The following GLRB variants were observed in gnomAD, a reference collection of about 807,000 sequenced individuals.
The protein encoded by GLRB is glycine receptor subunit beta.
In GLRB, 33 loss-of-function variants were observed where a neutral mutation model predicts 54.2. The observed-to-expected ratio is 0.61, with a 90% CI of 0.46 to 0.81. GLRB has a LOEUF of 0.81. Ranked by LOEUF, GLRB falls within the 40% of genes least tolerant of loss-of-function variation. The probability of loss-of-function intolerance (pLI) is 0.00; values close to 1 mark genes in which losing one functional copy is unlikely to be tolerated. For missense variants in GLRB, 572 were observed against 584.6 expected, an observed-to-expected ratio of 0.98 and a Z score of 0.22; for synonymous variants, 209 against 208.2, an observed-to-expected ratio of 1.00 and a Z score of -0.03.
chr4:157,115,006 A>C (rs140561582), intron 2 of GLRB, among the ~76,000 whole-genome samples: 1 of 150,362 alleles, frequency 6.7e-6, no homozygotes, highest in Non-Finnish European at 1.5e-5. Context: ...AGGAGTGGGG[A>C]GTTATTTTCC....
chr4:157,141,091 T>C (rs1449391765), intron 7 of GLRB, among the ~76,000 whole-genome samples: 1 of 151,884 alleles, frequency 6.6e-6, no homozygotes. Flanking sequence ...GTTCTTAGAA[T>C]AAAATTAGAA....
intron 7 of GLRB, among the ~76,000 whole-genome samples, chr4:157,140,854 G>A (rs1306116238): frequency 6.6e-6 from 1 of 151,804 alleles, no homozygotes; most frequent in Non-Finnish European, 1.5e-5. Flanking sequence ...ATTTCTTAGA[G>A]ATGAAAATGA....
chr4:157,129,617 A>T (rs917626313), intron 4 of GLRB, among the ~76,000 whole-genome samples: 2 of 151,836 alleles, frequency 1.3e-5, no homozygotes, highest in African/African-American at 2.4e-5. Flanking sequence ...TCATAATGAA[A>T]TAAGACATAA....
intron 2 of GLRB, among the ~76,000 whole-genome samples, chr4:157,090,531 A>C (rs991270318): frequency 2.6e-5 from 4 of 152,180 alleles, no homozygotes; most frequent in Non-Finnish European, 2.9e-5. Context: ...ATGGCCTTGT[A>C]ACTGTGAAGA....
intron 9 of GLRB, among the ~76,000 whole-genome samples, chr4:157,166,086 A>G (rs943929389): frequency 1.2e-4 from 18 of 152,048 alleles, no homozygotes; most frequent in African/African-American, 4.3e-4. Flanking sequence ...CACAAAGAAA[A>G]TCTTAGAGGC....
intron 7 of GLRB, among the ~76,000 whole-genome samples, chr4:157,141,061 G>A (rs561844800): frequency 2.6e-5 from 4 of 151,784 alleles, no homozygotes; most frequent in South Asian, 2.1e-4. Context: ...AGTAAACAAC[G>A]TAAAATATAA....
At chr4:157,103,075 C>T (rs529926699) in intron 2 of GLRB, among the ~76,000 whole-genome samples, 2 of 150,026 alleles carry the variant, frequency 1.3e-5, no homozygotes, top group Non-Finnish European at 3.0e-5. Flanking sequence ...CCCTTGAACC[C>T]GGGAGGCAAG....
chr4:157,135,300 A>C (rs1736359591), intron 4 of GLRB, among the ~76,000 whole-genome samples: 1 of 152,138 alleles, frequency 6.6e-6, no homozygotes, highest in Non-Finnish European at 1.5e-5. Context: ...ATTCAAAGTT[A>C]CAGGGTTTTG....
At chr4:157,126,785 G>A (rs1736029159) in intron 4 of GLRB, among the ~76,000 whole-genome samples, 1 of 151,790 alleles carries the variant, frequency 6.6e-6, no homozygotes, top group African/African-American at 2.4e-5. Flanking sequence ...ACTTATGTAG[G>A]GAAAACTGGG....
intron 2 of GLRB, among the ~76,000 whole-genome samples, chr4:157,097,524 C>G (rs79802690): frequency 0.014 from 2,108 of 152,218 alleles, 38 homozygotes; most frequent in East Asian, 0.1. Context: ...AAATTTGTTT[C>G]TATTGCTTGA....
intron 9 of GLRB, among the ~76,000 whole-genome samples, chr4:157,163,326 A>G (rs1044865125): frequency 1.3e-5 from 2 of 152,028 alleles, no homozygotes; most frequent in African/African-American, 4.8e-5. Flanking sequence ...CTGCACCGAC[A>G]GTCAGACAAG....
intron 2 of GLRB, among the ~76,000 whole-genome samples, chr4:157,095,740 A>G (rs752617543): frequency 1.3e-5 from 2 of 152,174 alleles, no homozygotes; most frequent in African/African-American, 4.8e-5. Flanking sequence ...GTGGACTGAT[A>G]TGAACTCATA....
At chr4:157,096,999 G>C (rs1355060928) in intron 2 of GLRB, among the ~76,000 whole-genome samples, 3 of 152,066 alleles carry the variant, frequency 2.0e-5, no homozygotes, top group Non-Finnish European at 2.9e-5. Context: ...TTAATTCCTT[G>C]GTTTTAAGTT....
intron 6 of GLRB, among the ~76,000 whole-genome samples, chr4:157,138,028 T>C (rs1210954634): frequency 3.9e-5 from 6 of 152,136 alleles, no homozygotes; most frequent in Non-Finnish European, 7.4e-5. Flanking sequence ...TGGCCTTCTA[T>C]GGTGATGCAA....
chr4:157,101,573 G>A (rs1056383380), intron 2 of GLRB, among the ~76,000 whole-genome samples: 8 of 151,976 alleles, frequency 5.3e-5, no homozygotes, highest in Non-Finnish European at 7.4e-5. Flanking sequence ...AGACTAATTC[G>A]GATGAGATTT....
chr4:157,137,226 G>C (rs1438581003), intron 6 of GLRB, among the ~76,000 whole-genome samples: 1 of 152,002 alleles, frequency 6.6e-6, no homozygotes, highest in Non-Finnish European at 1.5e-5. Flanking sequence ...GTTAAAACCA[G>C]ATTTTCTTAG....
At chr4:157,144,324 T>C (rs1736728363) in intron 8 of GLRB, among the ~76,000 whole-genome samples, 1 of 152,198 alleles carries the variant, frequency 6.6e-6, no homozygotes, top group South Asian at 2.1e-4. Context: ...TAGTATGTAT[T>C]ATCACATACT....
intron 1 of GLRB, chr4:157,076,571 C>A (rs1273604408): frequency 6.6e-6 from 1 of 152,120 alleles, no homozygotes; most frequent in East Asian, 2.0e-4. Flanking sequence ...AATTAGGAAA[C>A]GCAAGGTTGG....
At chr4:157,097,852 C>A (rs1024120345) in intron 2 of GLRB, among the ~76,000 whole-genome samples, 1 of 152,114 alleles carries the variant, frequency 6.6e-6, no homozygotes, top group Non-Finnish European at 1.5e-5. Flanking sequence ...GAAACCCCGT[C>A]TCTACTAAAA....
Sources: gnomAD v4.1 joint callset for allele counts (sites outside exome capture counted in the v4.1 genomes callset) on GRCh38, gnomAD v4.1.1 for gene constraint, MANE v1.5 for transcripts, NCBI Gene and HGNC (gene_info 2026-07-23, HGNC 2026-07-21) for gene names.